TNR: variants seen among roughly 807,000 people sequenced by gnomAD.
The protein encoded by TNR is tenascin R.
TNR carries 45 observed loss-of-function variants against 150.4 expected under a neutral mutation model. That is an observed-to-expected ratio of 0.30 (90% CI 0.24 to 0.38). TNR has a LOEUF of 0.38. TNR is among the 10% of genes least tolerant of loss of function. The pLI is 1.00. For missense variants in TNR, 1,544 were observed against 1,759.1 expected, an observed-to-expected ratio of 0.88 and a Z score of 2.19; for synonymous variants, 687 against 678.4, an observed-to-expected ratio of 1.01 and a Z score of -0.20.
intron 2 of TNR, among the ~76,000 whole-genome samples, chr1:175,436,180 G>A (rs553431151): frequency 7.2e-4 from 110 of 152,202 alleles, no homozygotes; most frequent in African/African-American, 2.6e-3. Context: ...TCTGAACGTT[G>A]GCCTGCCTTG....
At chr1:175,679,028 TC>T (rs1185964708) in intron 1 of TNR, among the ~76,000 whole-genome samples, 3 of 152,214 alleles carry the variant, frequency 2.0e-5, no homozygotes, top group Non-Finnish European at 4.4e-5. Flanking sequence ...TGGGCACAGT[TC>T]TGCCAGAAGT....
chr1:175,496,722 T>A (rs1187710039), intron 2 of TNR, among the ~76,000 whole-genome samples: 1 of 152,226 alleles, frequency 6.6e-6, no homozygotes, highest in Non-Finnish European at 1.5e-5. Context: ...TCAAGTCTCC[T>A]AGCTGTTAAA....
chr1:175,341,868 T>C (rs1650536938), intron 18 of TNR, among the ~76,000 whole-genome samples: 1 of 152,218 alleles, frequency 6.6e-6, no homozygotes, highest in Non-Finnish European at 1.5e-5. Context: ...TGTTTGTGGT[T>C]GACTCTCCCT....
chr1:175,416,057 A>G (rs1654425348), intron 2 of TNR, among the ~76,000 whole-genome samples: 1 of 152,048 alleles, frequency 6.6e-6, no homozygotes, highest in African/African-American at 2.4e-5. Flanking sequence ...TTTAAGTGAG[A>G]ATTTATTTGA....
At chr1:175,501,571 A>T (rs1334903806) in intron 2 of TNR, among the ~76,000 whole-genome samples, 1 of 152,178 alleles carries the variant, frequency 6.6e-6, no homozygotes. Context: ...CTGAGAGAGA[A>T]TAAATGAGTG....
chr1:175,726,643 T>C (rs755286734), intron 1 of TNR, among the ~76,000 whole-genome samples: 4 of 152,238 alleles, frequency 2.6e-5, no homozygotes, highest in Non-Finnish European at 5.9e-5. Context: ...GGTCAGCAAA[T>C]GCCTAGGCAA....
chr1:175,316,090 A>T lies in TNR; in HGVS notation c.*7267T>A, dbSNP rs1267769734. ...CTGGGGTTCTTTCTTGGGGAGATCT[A>T]TTCCTTTATATATAAACATCATTCA... On this transcript the variant is annotated 3_prime_UTR_variant, in exon 23 of 23. Transcript: ENST00000367674. 6.6e-6 allele frequency: 1 copy of T among 152,202 alleles called. No homozygotes were observed. The highest frequency in any genetic ancestry group is 1.5e-5 in the Non-Finnish European group (1 of 68,038). The allele number at this position is 152,202 out of a possible 1,614,324, so 9.4% of individuals were successfully genotyped here.
rs115582781 is a variant in TNR, at chr1:175,470,232, C to G, written c.-64+58037G>C. ...TTACAAGCTGCCAGTGTAAAGGTGA[C>G]AGTTGGGCCTTGGAATGGATTAGAT... On this transcript the variant is annotated intron_variant, in intron 2 of 22. Transcript: ENST00000367674. 2.5e-3 allele frequency among the ~76,000 whole-genome samples: 373 copies of G among 152,076 alleles called. 2 individuals are homozygous for G. Among genetic ancestry groups the G allele is most frequent in the African/African-American group, 8.7e-3 (360 of 41,466 alleles).
At chr1:175,472,229 G>A (rs937159140) in intron 2 of TNR, among the ~76,000 whole-genome samples, 9 of 152,156 alleles carry the variant, frequency 5.9e-5, no homozygotes, top group Non-Finnish European at 1.2e-4. Context: ...CCACCTGGAC[G>A]TCTTGTCTCG....
chr1:175,352,252 T>C (rs1651087712), intron 18 of TNR, among the ~76,000 whole-genome samples: 1 of 152,202 alleles, frequency 6.6e-6, no homozygotes, highest in African/African-American at 2.4e-5. Flanking sequence ...ATTGTCATAC[T>C]GCTCACAACT....
intron 1 of TNR, among the ~76,000 whole-genome samples, chr1:175,580,639 T>C (rs556354602): frequency 4.1e-4 from 62 of 152,366 alleles, no homozygotes; most frequent in African/African-American, 1.4e-3. Flanking sequence ...TTTACCTCCT[T>C]TCAAAGAAGC....
intron 2 of TNR, among the ~76,000 whole-genome samples, chr1:175,429,330 A>G (rs1046524901): frequency 2.6e-5 from 4 of 152,232 alleles, no homozygotes; most frequent in Non-Finnish European, 4.4e-5. Context: ...ACAGATTATA[A>G]ATATAGATAA....
At chr1:175,326,235 T>A (rs1649383553) in intron 21 of TNR, among the ~76,000 whole-genome samples, 1 of 152,194 alleles carries the variant, frequency 6.6e-6, no homozygotes, top group Non-Finnish European at 1.5e-5. Context: ...TATAACAGTT[T>A]ATAAAACTTT....
rs1666623724 is a variant in TNR, at chr1:175,699,482, AT to A, written c.-165+43743del. 3.3e-5 allele frequency among the ~76,000 whole-genome samples: 5 copies of A among 152,166 alleles called. No individual in the cohort carries two copies. The South Asian group carries it at 1.0e-3, about 32-fold the overall frequency. On this transcript the variant is annotated intron_variant, in intron 1 of 22. Transcript: ENST00000367674. ...GAGTTGGCTTTAACTGAGGTTGGAGATTTGCCAGCCAGTGCAATGGGAGAGT... is the reference window on the plus strand; with the variant it reads ...GAGTTGGCTTTAACTGAGGTTGGAGATTGCCAGCCAGTGCAATGGGAGAGT...
At chr1:175,409,566 C>G (rs1417144925) in intron 2 of TNR, among the ~76,000 whole-genome samples, 1 of 152,134 alleles carries the variant, frequency 6.6e-6, no homozygotes, top group African/African-American at 2.4e-5. Context: ...CTACCGAAAT[C>G]TTATTCAAAT....
chr1:175,456,026 C>T (rs973648480), intron 2 of TNR, among the ~76,000 whole-genome samples: 1 of 152,204 alleles, frequency 6.6e-6, no homozygotes, highest in African/African-American at 2.4e-5. Flanking sequence ...GGTCACCTCA[C>T]CTACGTGCCA....
intron 1 of TNR, among the ~76,000 whole-genome samples, chr1:175,628,363 C>A (rs1016346916): frequency 7.2e-5 from 11 of 151,844 alleles, no homozygotes; most frequent in African/African-American, 2.2e-4. Context: ...TTAAAGGGAC[C>A]TATGGGGAAG....
chr1:175,529,927 T>G (rs1449860097), intron 1 of TNR, among the ~76,000 whole-genome samples: 1 of 152,248 alleles, frequency 6.6e-6, no homozygotes, highest in African/African-American at 2.4e-5. Context: ...ACTTTTGACA[T>G]GCTATTTTAT....
At chr1:175,640,848 C>T (rs149974544) in intron 1 of TNR, among the ~76,000 whole-genome samples, 250 of 149,524 alleles carry the variant, frequency 1.7e-3, no homozygotes, top group Middle Eastern at 6.9e-3. Context: ...TTACCAGAAA[C>T]AAAAGCAAAT....
Sources: allele counts gnomAD v4.1 joint callset (sites outside exome capture counted in the v4.1 genomes callset), GRCh38; gene constraint gnomAD v4.1.1; transcripts MANE v1.5; gene names NCBI Gene and HGNC (gene_info 2026-07-23, HGNC 2026-07-21).